Variants in NR5A2 observed in about 807,000 individuals in gnomAD.
NR5A2 encodes nuclear receptor subfamily 5 group A member 2, also known as CYP7A promoter-binding factor.
In NR5A2, 26 loss-of-function variants were observed where a neutral mutation model predicts 62.7. That is an observed-to-expected ratio of 0.41 (90% CI 0.30 to 0.58). The LOEUF is 0.58. Among genes scored for constraint, NR5A2 ranks in the 20% least tolerant of loss-of-function variants. The pLI, the probability that NR5A2 is intolerant of heterozygous loss-of-function variation, is 0.22. For synonymous variants in NR5A2, 246 were observed against 241.7 expected, an observed-to-expected ratio of 1.02 and a Z score of -0.16; for missense variants, 541 against 669.1, an observed-to-expected ratio of 0.81 and a Z score of 2.11.
intron 7 of NR5A2, among the ~76,000 whole-genome samples, chr1:200,153,239 T>C (rs1653218778): frequency 6.6e-6 from 1 of 152,236 alleles, no homozygotes; most frequent in Non-Finnish European, 1.5e-5. Flanking sequence ...ACAGATTCTC[T>C]GTGAATTCAG....
chr1:200,040,561 A>G (rs1157688064), intron 2 of NR5A2, among the ~76,000 whole-genome samples: 1 of 151,932 alleles, frequency 6.6e-6, no homozygotes, highest in South Asian at 2.1e-4. Context: ...TAGCAACCCT[A>G]TGGCTTGTAT....
chr1:200,144,938 A>G (rs112142424), intron 7 of NR5A2, among the ~76,000 whole-genome samples: 1 of 152,160 alleles, frequency 6.6e-6, no homozygotes, highest in Non-Finnish European at 1.5e-5. Flanking sequence ...CCACCTCTTT[A>G]TATGATGCTC....
intron 7 of NR5A2, among the ~76,000 whole-genome samples, chr1:200,172,223 G>C (rs1025795244): frequency 6.6e-6 from 1 of 152,194 alleles, no homozygotes; most frequent in African/African-American, 2.4e-5. Flanking sequence ...AGGTATTTCT[G>C]ATTGTTTATA....
chr1:200,052,126 T>G (rs568505476), intron 5 of NR5A2, among the ~76,000 whole-genome samples: 9 of 152,292 alleles, frequency 5.9e-5, no homozygotes, highest in Admixed American at 1.3e-4. Context: ...TGACCTGCAA[T>G]TCAGGAAAAC....
Position 200,127,702 on chromosome 1 carries a change from A to T in NR5A2, c.1378+6747A>T, listed in dbSNP as rs61700995. On this transcript the variant is annotated intron_variant, in intron 7 of 7. Transcript: ENST00000367362. ...AAAAAAAAAAAAAAAAAAAAAAAAA[A>T]AAAAAAAATATATATATATATATAT... is the stretch of plus-strand genomic sequence containing the variant. Among the ~76,000 whole-genome samples, 311 of 91,294 alleles carry T rather than the reference A, an allele frequency of 3.4e-3. 24 individuals are homozygous for T. The highest frequency in any genetic ancestry group is 5.1e-3 in the Non-Finnish European group (225 of 44,300). 59.9% of individuals were successfully genotyped at this position (91,294 alleles called of 152,430 possible).
intron 5 of NR5A2, among the ~76,000 whole-genome samples, chr1:200,101,841 G>A (rs114457826): frequency 0.017 from 2,537 of 152,242 alleles, 56 homozygotes; most frequent in Non-Finnish European, 0.021. Flanking sequence ...TTTTTGAAAC[G>A]TGGTTAAGAG....
rs1661954995 is a variant in NR5A2 at position 200,039,554 on chromosome 1, A to C, written c.65-104A>C. 3 of 1,537,250 alleles carry C rather than the reference A, an allele frequency of 2.0e-6. No homozygotes were observed. Among genetic ancestry groups the C allele is most frequent in the African/African-American group, 2.8e-5 (2 of 71,494 alleles). The stretch of plus-strand genomic sequence containing the variant: ...GAGGTCCTGCCCGGCAGCCCCGAGG[A>C]GGCGGAGGCACGCTCCGGCGAGGCG... On this transcript the variant is annotated intron_variant, in intron 1 of 7. Coordinates refer to ENST00000367362, the MANE Select transcript of NR5A2 (RefSeq NM_205860.3). This position sits in a 1 kb window ranked among gnomAD's most constrained non-coding sequence, Gnocchi z 5.1.
At chr1:200,130,324 A>AAGAAGAAGAAGAAGAAG (rs1558157085) in intron 7 of NR5A2, among the ~76,000 whole-genome samples, 2 of 145,014 alleles carry the variant, frequency 1.4e-5, no homozygotes, top group Non-Finnish European at 3.1e-5. Flanking sequence ...AGAAGAAGAA[A>AAGAAGAAGAAGAAGAAG]AAAAAAATCC....
chr1:200,098,584 C>A (rs1172796658), intron 5 of NR5A2, among the ~76,000 whole-genome samples: 1 of 151,142 alleles, frequency 6.6e-6, no homozygotes, highest in Non-Finnish European at 1.5e-5. Context: ...CTGTTTCTGG[C>A]ACCTGAGTAG....
chr1:200,135,968 T>G lies in NR5A2; in HGVS notation c.1378+15013T>G, dbSNP rs571702001. On this transcript the variant is annotated intron_variant, in intron 7 of 7. Transcript: ENST00000367362. Reference sequence around the variant, plus strand: ...ATTAATTCAGTACCAAGCCATAGTTTGAAATCTTTGATCTACTAACCAAAG... The same window carrying G: ...ATTAATTCAGTACCAAGCCATAGTTGGAAATCTTTGATCTACTAACCAAAG... Among the ~76,000 whole-genome samples, 13 of 152,346 alleles carry G rather than the reference T, an allele frequency of 8.5e-5. No individual in the cohort carries two copies. The South Asian group carries it at 2.7e-3, about 32-fold the overall frequency.
rs748974260 is a variant in NR5A2, at chr1:200,133,534, C to CAT, written c.1378+12591_1378+12592dup. On this transcript the variant is annotated intron_variant, in intron 7 of 7. Coordinates refer to ENST00000367362, the MANE Select transcript of NR5A2 (RefSeq NM_205860.3). ...ATATATATATATATATATACACACA[C>CAT]ATATATATATATACACATATATACA... 4.4e-3 allele frequency among the ~76,000 whole-genome samples: 552 copies of CAT among 126,874 alleles called. 1 individual carries two copies. The highest frequency in any genetic ancestry group is 0.01 in the African/African-American group (305 of 30,140). 83.2% of individuals were successfully genotyped at this position (126,874 alleles called of 152,430 possible). A position where few individuals can be genotyped will look rare whatever the true frequency, so the allele number is the denominator to read the frequency against.
chr1:200,115,387 T>A (rs1278592566), intron 6 of NR5A2, among the ~76,000 whole-genome samples: 1 of 152,148 alleles, frequency 6.6e-6, no homozygotes, highest in African/African-American at 2.4e-5. Flanking sequence ...TTTCAAACAC[T>A]GCTAGAAGTG....
At position 200,174,058 on chromosome 1, in the gene NR5A2, C is replaced by T; in HGVS notation, c.1474C>T (p.Gln492Ter). 1 of 1,613,162 alleles carries T rather than the reference C, an allele frequency of 6.2e-7. No individual in the cohort carries two copies. The highest frequency in any genetic ancestry group is 8.5e-7 in the Non-Finnish European group (1 of 1,179,830). ...LDYTMCNYPQQTEKFGQLLLR... is the reference protein window; with the variant it reads ...LDYTMCNYPQ The stretch of plus-strand genomic sequence containing the variant: ...CTACACAATGTGTAACTACCCGCAG[C>T]AGACAGAGAAATTTGGACAGCTACT... The change falls in exon 8 of 8, where the codon CAG becomes TAG. Residue 492 changes from glutamine to a stop codon, truncating the protein, a stop_gained. Transcript: ENST00000367362. LOFTEE classifies it high-confidence loss of function.
rs944731635 is a variant in NR5A2, at chr1:200,176,243, G to A, written c.*2033G>A. ...TACCTGGTTTTCCTTTCCAAGCATT[G>A]TAAATTGTATACCAAAGATATTAGT... is the stretch of plus-strand genomic sequence containing the variant. On this transcript the variant is annotated 3_prime_UTR_variant, in exon 8 of 8. Coordinates refer to ENST00000367362, the MANE Select transcript of NR5A2 (RefSeq NM_205860.3). The A allele has an allele frequency of 3.3e-5, 5 of 152,570 alleles. No individual in the cohort carries two copies. Among genetic ancestry groups the A allele is most frequent in the African/African-American group, 4.8e-5 (2 of 41,414 alleles). 9.5% of individuals were successfully genotyped at this position (152,570 alleles called of 1,614,324 possible).
At chr1:200,135,602 A>G (rs757995632) in intron 7 of NR5A2, among the ~76,000 whole-genome samples, 2 of 152,114 alleles carry the variant, frequency 1.3e-5, no homozygotes, top group African/African-American at 2.4e-5. Context: ...GTTTCTTACT[A>G]TTGAGGTGAT....
At chr1:200,140,546 T>A (rs1038844558) in intron 7 of NR5A2, among the ~76,000 whole-genome samples, 1 of 152,236 alleles carries the variant, frequency 6.6e-6, no homozygotes, top group Non-Finnish European at 1.5e-5. Flanking sequence ...TAGGTGGTTT[T>A]CCTGTAAGCA....
At position 200,039,681 on chromosome 1, in the gene NR5A2, G is replaced by A. The variant is rs1360458519; in HGVS notation, c.88G>A (p.Gly30Arg). Residue 30 changes from glycine to arginine, a missense_variant, in exon 2 of 8, where the codon GGA becomes AGA. Physicochemically the swap from Gly to Arg is moderately radical, Grantham distance 125. Around this residue, in one of 3 missense-constraint regions of NR5A2, gnomAD observed 108 missense variants for 103.3 expected, o/e 1.05. Coordinates refer to ENST00000367362, the MANE Select transcript of NR5A2 (RefSeq NM_205860.3). This position sits in a 1 kb window ranked among gnomAD's most constrained non-coding sequence, Gnocchi z 5.1. ...AGGTGCTGGGCTTCCGGACCGACAC[G>A]GATCCCCCATCCCCGCCCGCGGTCG... ...PIGAGLPDRH[G>R]SPIPARGRLV... 3 of 1,611,378 alleles carry A rather than the reference G, an allele frequency of 1.9e-6. No homozygotes were observed. Among genetic ancestry groups the A allele is most frequent in the African/African-American group, 1.3e-5 (1 of 74,392 alleles).
At chr1:200,047,803 C>T (rs1662438409) in intron 4 of NR5A2, among the ~76,000 whole-genome samples, 1 of 152,104 alleles carries the variant, frequency 6.6e-6, no homozygotes, top group African/African-American at 2.4e-5. Flanking sequence ...GTCTTGAACT[C>T]CTGACCTCAG....
Position 200,111,376 on chromosome 1 carries a change from G to A in NR5A2, c.1230+55G>A, listed in dbSNP as rs890169697. On this transcript the variant is annotated intron_variant, in intron 6 of 7. Transcript: ENST00000367362. Reference sequence around the variant, plus strand: ...AGCATCTTTTTATTAAGCATGTTCAGAATGGCCGGAATTTAACTAGGTCAG... The same window carrying A: ...AGCATCTTTTTATTAAGCATGTTCAAAATGGCCGGAATTTAACTAGGTCAG... 12 of 1,555,030 alleles carry A rather than the reference G, an allele frequency of 7.7e-6. No homozygotes were observed. In the East Asian group the frequency reaches 2.7e-4, roughly 35 times the overall value.
Sources: allele counts gnomAD v4.1 joint callset (sites outside exome capture counted in the v4.1 genomes callset), GRCh38; gene constraint gnomAD v4.1.1; regional missense constraint gnomAD v4.1.1; non-coding constraint Gnocchi (gnomAD v3.1); transcripts MANE v1.5; gene names NCBI Gene and HGNC (gene_info 2026-07-23, HGNC 2026-07-21).